Variants in LRP2 observed in about 807,000 individuals in gnomAD.
The protein encoded by LRP2 is low-density lipoprotein receptor-related protein 2.
A neutral mutation model predicts 531.0 loss-of-function variants in LRP2; 172 were observed. The observed-to-expected ratio is 0.32, with a 90% CI of 0.29 to 0.37. The LOEUF (loss-of-function observed/expected upper bound fraction) is 0.37, where lower values mean the gene tolerates loss of function less well. Among genes scored for constraint, LRP2 ranks in the 10% least tolerant of loss-of-function variants. The pLI is 1.00. For missense variants in LRP2, 5,167 were observed against 5,868.3 expected (o/e 0.88, Z 3.90); for synonymous variants, 1,992 against 2,027.6 (o/e 0.98, Z 0.47).
intron 3 of LRP2, among the ~76,000 whole-genome samples, chr2:169,315,283 G>A (rs143070742): frequency 0.014 from 2,205 of 152,296 alleles, 21 homozygotes; most frequent in Middle Eastern, 0.037. Flanking sequence ...TCTTCTAGGG[G>A]ACACTAAGGA....
chr2:169,243,505 G>T lies in LRP2; in HGVS notation c.3448C>A (p.Gln1150Lys). 1 of 1,614,080 alleles carries T rather than the reference G, an allele frequency of 6.2e-7. No individual in the cohort carries two copies. The highest frequency in any genetic ancestry group is 1.3e-5 in the African/African-American group (1 of 75,026). Residue 1150 changes from glutamine to lysine, a missense_variant, in exon 23 of 79, where the codon CAA (glutamine) becomes AAA (lysine). Transcript: ENST00000649046. ...EKNCNSTETC[Q>K]PSQFNCPNHR... is the part of the protein sequence containing the mutation. ...TTGGGGCAATTAAACTGACTAGGTT[G>T]GCATGTCTCTGTCGAATCTAATGTC...
At chr2:169,245,643 T>G (rs1689977939) in intron 21 of LRP2, among the ~76,000 whole-genome samples, 1 of 152,136 alleles carries the variant, frequency 6.6e-6, no homozygotes, top group Non-Finnish European at 1.5e-5. Flanking sequence ...TCTGCAATAG[T>G]GTTTATTAGG....
rs376325423 is a variant in LRP2, at chr2:169,145,738, G to C, written c.12988+9C>G. On this transcript the variant is annotated intron_variant, in intron 70 of 78. Coordinates refer to ENST00000649046, the MANE Select transcript of LRP2 (RefSeq NM_004525.3). ...ATGAGGAGCATCTTATACCAAAGTT[G>C]GTGATTACCTGACTTATTGTATCTG... The C allele has an allele frequency of 4.4e-5, 71 of 1,613,452 alleles. No homozygotes were observed. Among genetic ancestry groups the C allele is most frequent in the South Asian group, 3.3e-5 (3 of 91,068 alleles).
chr2:169,308,496 G>A (rs537970071), intron 3 of LRP2, among the ~76,000 whole-genome samples: 40 of 152,270 alleles, frequency 2.6e-4, no homozygotes, highest in African/African-American at 9.4e-4. Context: ...CCTTGCGATA[G>A]TTTGCTCAGA....
intron 13 of LRP2, 81 bp from the exon 14 acceptor site, chr2:169,275,319 A>G: frequency 9.5e-7 from 1 of 1,047,778 alleles, no homozygotes; most frequent in Non-Finnish European, 1.5e-6. Context: ...GTTCAATTAA[A>G]TGCCTGAAAA....
At position 169,361,971 on chromosome 2, in the gene LRP2, G is replaced by C. The variant is rs529611884; in HGVS notation, c.79+350C>G. Among the ~76,000 whole-genome samples the C allele has an allele frequency of 1.4e-4, 21 of 152,342 alleles. No individual in the cohort carries two copies. In the East Asian group the frequency reaches 4.1e-3, roughly 29 times the overall value. Reference sequence around the variant, plus strand: ...CCGCCCAGCAGAGAACTCCGCTAGGGAGGGCAGGCTGCAAACGGCGGAGAA... The same window carrying C: ...CCGCCCAGCAGAGAACTCCGCTAGGCAGGGCAGGCTGCAAACGGCGGAGAA... On this transcript the variant is annotated intron_variant, in intron 1 of 78. Coordinates refer to ENST00000649046, the MANE Select transcript of LRP2 (RefSeq NM_004525.3).
At chr2:169,224,965 C>T (rs1038683841) in intron 33 of LRP2, among the ~76,000 whole-genome samples, 26 of 152,104 alleles carry the variant, frequency 1.7e-4, no homozygotes, top group South Asian at 1.5e-3. Flanking sequence ...GTGGTGCACG[C>T]CTGTAATCCC....
Position 169,168,274 on chromosome 2 carries a change from A to G in LRP2, c.11635+265T>C, listed in dbSNP as rs377377116. ...ACAACAGACCTGCCTTTATTTATGC[A>G]TACTAGGTTTTCAAGCAACATTTCC... On this transcript the variant is annotated intron_variant, in intron 61 of 78. Coordinates refer to ENST00000649046, the MANE Select transcript of LRP2 (RefSeq NM_004525.3). Among the ~76,000 whole-genome samples, 17 of 151,852 alleles carry G rather than the reference A, an allele frequency of 1.1e-4. No individual in the cohort carries two copies. The East Asian group carries it at 2.9e-3, about 26-fold the overall frequency.
At chr2:169,296,176 C>T (rs928301480) in intron 4 of LRP2, among the ~76,000 whole-genome samples, 1 of 152,034 alleles carries the variant, frequency 6.6e-6, no homozygotes, top group Non-Finnish European at 1.5e-5. Context: ...AGGAATAAGC[C>T]TAACTCTTCT....
At chr2:169,321,743 A>C (rs1330955507) in intron 1 of LRP2, among the ~76,000 whole-genome samples, 1 of 152,072 alleles carries the variant, frequency 6.6e-6, no homozygotes, top group East Asian at 1.9e-4. Context: ...AGAGCCAAAA[A>C]CAAAACAAAA....
At position 169,157,506 on chromosome 2, in the gene LRP2, A is replaced by T; in HGVS notation, c.11888-4T>A. The T allele has an allele frequency of 1.2e-6, 2 of 1,612,410 alleles. No homozygotes were observed. Among genetic ancestry groups the T allele is most frequent in the South Asian group, 2.2e-5 (2 of 91,058 alleles). Reference sequence around the variant, plus strand: ...CATGTTCTTTCTTTTCCTTTATCTGAAAAACAAAATCCCAGCATTACAAAC... The same window carrying T: ...CATGTTCTTTCTTTTCCTTTATCTGTAAAACAAAATCCCAGCATTACAAAC... On this transcript the variant is annotated splice_region_variant and splice_polypyrimidine_tract_variant and intron_variant, in intron 63 of 78. Coordinates refer to ENST00000649046, the MANE Select transcript of LRP2 (RefSeq NM_004525.3).
chr2:169,301,897 A>G (rs1452052972), intron 4 of LRP2, among the ~76,000 whole-genome samples: 1 of 152,108 alleles, frequency 6.6e-6, no homozygotes, highest in Non-Finnish European at 1.5e-5. Context: ...GCTACAAACT[A>G]CAACATCAAG....
intron 1 of LRP2, among the ~76,000 whole-genome samples, chr2:169,337,890 T>C (rs1368761509): frequency 6.6e-6 from 1 of 152,194 alleles, no homozygotes; most frequent in African/African-American, 2.4e-5. Context: ...GAGGATCGCT[T>C]GAGCCCAGGA....
intron 1 of LRP2, among the ~76,000 whole-genome samples, chr2:169,348,242 T>A (rs1450127808): frequency 6.6e-6 from 1 of 152,350 alleles, no homozygotes; most frequent in East Asian, 1.9e-4. Flanking sequence ...TCTCTACTCA[T>A]CTATGTGTGG....
At chr2:169,140,369 G>A (rs921390868) in intron 72 of LRP2, 86 bp downstream of exon 72, 1 of 1,016,400 alleles carries the variant, frequency 9.8e-7, no homozygotes, top group Non-Finnish European at 1.5e-6. Flanking sequence ...TGAGGTTCCT[G>A]TATTTGTTTT....
At chr2:169,171,621 G>A (rs1469632095) in intron 58 of LRP2, among the ~76,000 whole-genome samples, 1 of 152,212 alleles carries the variant, frequency 6.6e-6, no homozygotes, top group East Asian at 1.9e-4. Flanking sequence ...TTAAGAAGCA[G>A]TGTCTCTGGG....
At chr2:169,327,534 T>TGGG (rs1348104111) in intron 1 of LRP2, among the ~76,000 whole-genome samples, 1 of 82,280 alleles carries the variant, frequency 1.2e-5, no homozygotes, top group African/African-American at 4.9e-5. Flanking sequence ...GGGAGGGAGG[T>TGGG]GGGGTCAGCC....
chr2:169,326,172 C>CT (rs1440039667), intron 1 of LRP2, among the ~76,000 whole-genome samples: 13 of 36,190 alleles, frequency 3.6e-4, no homozygotes, highest in African/African-American at 8.4e-4. Flanking sequence ...CCCTCTCCCT[C>CT]CCCCTCTCCC....
At chr2:169,331,434 A>T (rs1685264951) in intron 1 of LRP2, among the ~76,000 whole-genome samples, 1 of 152,160 alleles carries the variant, frequency 6.6e-6, no homozygotes, top group African/African-American at 2.4e-5. Flanking sequence ...TATTTGTACC[A>T]GTCTTTTCTG....
Sources: allele counts gnomAD v4.1 joint callset (sites outside exome capture counted in the v4.1 genomes callset), GRCh38; gene constraint gnomAD v4.1.1; transcripts MANE v1.5; gene names NCBI Gene and HGNC (gene_info 2026-07-23, HGNC 2026-07-21).